Variants in MYH13 observed in about 807,000 individuals in gnomAD.
The protein encoded by MYH13 is myosin heavy chain 13.
MYH13 carries 177 observed loss-of-function variants against 232.1 expected under a neutral mutation model. That is an observed-to-expected ratio of 0.76 (90% CI 0.67 to 0.86). The LOEUF is 0.86. Ranked by LOEUF, MYH13 falls within the 40% of genes least tolerant of loss-of-function variation. The pLI, the probability that MYH13 is intolerant of heterozygous loss-of-function variation, is 0.00. For synonymous variants in MYH13, 884 were observed against 923.5 expected (o/e 0.96, Z 0.78); for missense variants, 2,246 against 2,405.9 (o/e 0.93, Z 1.39).
rs759408071 is a variant in MYH13 at position 10,360,185 on chromosome 17, C to T, written c.509G>A (p.Arg170Gln). The T allele has an allele frequency of 3.1e-6, 5 of 1,613,262 alleles. No homozygotes were observed. Among genetic ancestry groups the T allele is most frequent in the Non-Finnish European group, 3.4e-6 (4 of 1,179,646 alleles). Residue 170 changes from arginine (R) to glutamine (Q), a missense_variant, in exon 6 of 41, where the codon CGA (arginine) becomes CAA (glutamine). Coordinates refer to ENST00000252172, the MANE Select transcript of MYH13 (RefSeq NM_003802.3). ...CGTGATGAGGATAGACTGGTTGTCT[C>T]GATCTAGAAATGCAGAGGGAAGCAA... ...DNAYQFMLTD[R>Q]DNQSILITGE...
Position 10,319,156 on chromosome 17 carries a change from C to T in MYH13, c.3372G>A (p.Glu1124=), listed in dbSNP as rs368261460. 30 of 1,613,890 alleles carry T rather than the reference C, an allele frequency of 1.9e-5. No individual in the cohort carries two copies. The highest frequency in any genetic ancestry group is 2.3e-5 in the Non-Finnish European group (27 of 1,179,980). Residue 1124 remains glutamate (E), a synonymous_variant, in exon 27 of 41, where the codon GAG becomes GAA. Coordinates refer to ENST00000252172, the MANE Select transcript of MYH13 (RefSeq NM_003802.3). ...TGAGCGTGTGTTCCGCTTCAATTTC[C>T]TCCTCCAGCTCTTCTATGCGGGCCT... The part of the protein sequence containing the change: ...ELQARIEELE[E]EIEAEHTLRA...
chr17:10,337,682 CAG>C lies in MYH13; in HGVS notation c.2056+2466_2056+2467del, dbSNP rs781602352. Among the ~76,000 whole-genome samples the C allele has an allele frequency of 6.6e-5, 10 of 152,306 alleles. No homozygotes were observed. The South Asian group carries it at 2.1e-3, about 32-fold the overall frequency. On this transcript the variant is annotated intron_variant, in intron 18 of 40. Transcript: ENST00000252172. ...CTATTCCCAGAAATTGACATGAAAA[CAG>C]AGAGGTAGGTGCCAGAGCTAAGGAG...
rs746952415 is a variant in MYH13 at position 10,309,829 on chromosome 17, C to A, written c.4658G>T (p.Gly1553Val). 1.9e-6 allele frequency: 3 copies of A among 1,564,728 alleles called. No homozygotes were observed. The highest frequency in any genetic ancestry group is 1.4e-5 in the African/African-American group (1 of 73,842). The part of the protein sequence containing the change: ...DLQVALEEVE[G>V]SLEHEESKIL... ...CTTGCTCTCCTCGTGTTCCAAGGAA[C>A]CCTGACGAAAGCAAAGGAGTGATTG... The change falls in exon 34 of 41, where the codon GGT becomes GTT. Residue 1553 changes from glycine (G) to valine (V), a missense_variant and splice_region_variant. Physicochemically the swap from Gly to Val is moderately radical, Grantham distance 109 (BLOSUM62 -3). Transcript: ENST00000252172.
At chr17:10,345,073 T>G (rs1420160936) in intron 15 of MYH13, 129 bp downstream of exon 15, 1 of 1,410,454 alleles carries the variant, frequency 7.1e-7, no homozygotes, top group East Asian at 2.3e-5. Flanking sequence ...AAATAGGCAT[T>G]CAGTTATCTA....
chr17:10,313,376 A>G, intron 29 of MYH13, 22 bp from the exon 30 acceptor site: 12 of 1,614,112 alleles, frequency 7.4e-6, no homozygotes, highest in African/African-American at 1.3e-5. Context: ...AGCGGTGACA[A>G]ATTGCAAAAA....
rs532733315 is a variant in MYH13, at chr17:10,351,001, T to C, written c.1006-307A>G. 2.2e-4 allele frequency among the ~76,000 whole-genome samples: 34 copies of C among 151,800 alleles called. 1 individual carries two copies. The East Asian group carries it at 6.6e-3, about 30-fold the overall frequency. On this transcript the variant is annotated intron_variant, in intron 11 of 40. Transcript: ENST00000252172. ...CTTTGAGAGGCCAGGGCAGGCAGAT[T>C]ACGAGGTCAGGAGTTTGAGACCATC...
chr17:10,317,132 T>C (rs1006594206), intron 27 of MYH13, among the ~76,000 whole-genome samples: 11 of 152,208 alleles, frequency 7.2e-5, no homozygotes, highest in African/African-American at 1.9e-4. Flanking sequence ...ATTCTGGAGA[T>C]AGGGAGGCTG....
intron 2 of MYH13, among the ~76,000 whole-genome samples, chr17:10,366,512 T>C: frequency 6.6e-6 from 1 of 151,232 alleles, no homozygotes. Context: ...TCTTGAGTAG[T>C]TGGGATTACA....
intron 26 of MYH13, among the ~76,000 whole-genome samples, chr17:10,319,770 G>A (rs1906865081): frequency 6.6e-6 from 1 of 152,168 alleles, no homozygotes; most frequent in African/African-American, 2.4e-5. Context: ...TTTTCTGCAT[G>A]TGTACTATAT....
At chr17:10,349,475 A>C (rs1178715654) in intron 12 of MYH13, among the ~76,000 whole-genome samples, 1 of 151,770 alleles carries the variant, frequency 6.6e-6, no homozygotes, top group Non-Finnish European at 1.5e-5. Flanking sequence ...TCAAAGTCCA[A>C]GTCAGTGCCC....
intron 7 of MYH13, among the ~76,000 whole-genome samples, chr17:10,358,454 C>T (rs2071766083): frequency 6.6e-6 from 1 of 152,146 alleles, no homozygotes; most frequent in South Asian, 2.1e-4. Context: ...GCAGCATGAA[C>T]ACTACCTGGG....
chr17:10,343,673 G>C, intron 16 of MYH13, 127 bp downstream of exon 16: 1 of 1,091,764 alleles, frequency 9.2e-7, no homozygotes, highest in Non-Finnish European at 1.3e-6. Flanking sequence ...AAGAAAAATG[G>C]AGCTGAAAGA....
intron 11 of MYH13, among the ~76,000 whole-genome samples, chr17:10,351,183 T>C (rs1389117295): frequency 1.6e-5 from 2 of 127,978 alleles, no homozygotes; most frequent in Non-Finnish European, 3.2e-5. Context: ...ATTGTACCAT[T>C]GCACTCCAGC....
At chr17:10,357,856 G>T (rs377333638) in intron 7 of MYH13, 29 bp from the exon 8 acceptor site, 3 of 1,597,696 alleles carry the variant, frequency 1.9e-6, no homozygotes, top group Non-Finnish European at 2.6e-6. Context: ...AGGAAAAAGA[G>T]GACTTTGGAT....
Position 10,351,018 on chromosome 17 carries a change from G to A in MYH13, c.1006-324C>T, listed in dbSNP as rs569997935. On this transcript the variant is annotated intron_variant, in intron 11 of 40. Coordinates refer to ENST00000252172, the MANE Select transcript of MYH13 (RefSeq NM_003802.3). ...AGGCAGATTACGAGGTCAGGAGTTT[G>A]AGACCATCCTGGCCAACATGGCGAC... Among the ~76,000 whole-genome samples the A allele has an allele frequency of 2.4e-4, 36 of 151,930 alleles. 1 individual carries two copies. The East Asian group carries it at 6.8e-3, about 29-fold the overall frequency.
chr17:10,368,478 G>T (rs538951040), intron 2 of MYH13, among the ~76,000 whole-genome samples: 24 of 152,290 alleles, frequency 1.6e-4, no homozygotes, highest in African/African-American at 5.8e-4. Context: ...GCTTTTCCAG[G>T]AGACAACCAT....
At chr17:10,354,831 GGGT>G (rs769097073) in intron 10 of MYH13, 48 bp from the exon 11 acceptor site, 4 of 1,540,400 alleles carry the variant, frequency 2.6e-6, no homozygotes, top group Non-Finnish European at 3.5e-6. Flanking sequence ...AACTTACTCT[GGGT>G]TGTTTTTTTT....
chr17:10,348,723 G>C (rs2071686582), intron 12 of MYH13, among the ~76,000 whole-genome samples: 1 of 151,850 alleles, frequency 6.6e-6, no homozygotes, highest in Admixed American at 6.6e-5. Flanking sequence ...CCCACTTTTG[G>C]TGAGCCTGGC....
rs748537792 is a variant in MYH13 at position 10,328,033 on chromosome 17, G to T, written c.2524C>A (p.Pro842Thr). The T allele has an allele frequency of 5.6e-6, 9 of 1,614,150 alleles. No homozygotes were observed. The highest frequency in any genetic ancestry group is 7.6e-6 in the Non-Finnish European group (9 of 1,180,024). The change falls in exon 22 of 41, where the codon CCC becomes ACC. Residue 842 changes from proline to threonine, a missense_variant. Transcript: ENST00000252172. ...PWMNLFFKIK[P>T]LLKSAEAEKE... is the part of the protein sequence containing the mutation. ...TCGGCCTCTGCACTCTTCAGCAGGG[G>T]CTTGATTTTGAAGAACAGGTTCATC...
Sources: allele counts gnomAD v4.1 joint callset (sites outside exome capture counted in the v4.1 genomes callset), GRCh38; gene constraint gnomAD v4.1.1; transcripts MANE v1.5; gene names NCBI Gene and HGNC (gene_info 2026-07-23, HGNC 2026-07-21).